Variants in NR3C2 observed in about 807,000 individuals in gnomAD.
NR3C2 encodes the protein nuclear receptor subfamily 3 group C member 2.
Under a neutral mutation model 86.4 loss-of-function variants are expected in NR3C2, and 15 were observed. The observed-to-expected ratio is 0.17, with a 90% CI of 0.12 to 0.27. The LOEUF is 0.27. Among genes scored for constraint, NR3C2 ranks in the 10% least tolerant of loss-of-function variants. The pLI is 1.00. For missense variants in NR3C2, 960 were observed against 1,195.6 expected, an observed-to-expected ratio of 0.80 and a Z score of 2.91; for synonymous variants, 458 against 450.5, an observed-to-expected ratio of 1.02 and a Z score of -0.21.
intron 2 of NR3C2, among the ~76,000 whole-genome samples, chr4:148,423,877 ATTTG>A (rs1749401886): frequency 6.6e-6 from 1 of 151,982 alleles, no homozygotes; most frequent in Admixed American, 6.6e-5. Context: ...CCTGGCTAAT[ATTTG>A]TTTGTATTTT....
At chr4:148,359,699 C>T (rs897012199) in intron 2 of NR3C2, among the ~76,000 whole-genome samples, 29 of 152,162 alleles carry the variant, frequency 1.9e-4, no homozygotes, top group African/African-American at 6.5e-4. Context: ...GTGTCCCAGA[C>T]CCCTTTGAGA....
chr4:148,284,762 G>A (rs1357732530), intron 2 of NR3C2, among the ~76,000 whole-genome samples: 4 of 152,002 alleles, frequency 2.6e-5, no homozygotes, highest in African/African-American at 9.7e-5. Flanking sequence ...GTAATTCTAC[G>A]CCACTGTCCA....
chr4:148,429,348 A>G (rs1749694155), intron 2 of NR3C2, among the ~76,000 whole-genome samples: 1 of 152,276 alleles, frequency 6.6e-6, no homozygotes, highest in South Asian at 2.1e-4. Flanking sequence ...AATGAAATTA[A>G]GTCATAGCCA....
At position 148,278,837 on chromosome 4, in the gene NR3C2, A is replaced by G. The variant is rs1050466701; in HGVS notation, c.1758-18720T>C. Among the ~76,000 whole-genome samples, 5 of 152,212 alleles carry G rather than the reference A, an allele frequency of 3.3e-5. No homozygotes were observed. In the East Asian group the frequency reaches 9.7e-4, roughly 29 times the overall value. On this transcript the variant is annotated intron_variant, in intron 2 of 8. Coordinates refer to ENST00000358102, the MANE Select transcript of NR3C2 (RefSeq NM_000901.5). ...AAGAGACAAAGTATGTATTTACTAA[A>G]ATGCAAACTACTCACCAATAACCAC...
chr4:148,116,259 C>T (rs1732269138), intron 7 of NR3C2, among the ~76,000 whole-genome samples: 1 of 152,060 alleles, frequency 6.6e-6, no homozygotes, highest in African/African-American at 2.4e-5. Context: ...CTAAAAATTA[C>T]AACAACTTGT....
chr4:148,271,318 T>A (rs895439437), intron 2 of NR3C2, among the ~76,000 whole-genome samples: 8 of 152,230 alleles, frequency 5.3e-5, no homozygotes, highest in Admixed American at 2.6e-4. Flanking sequence ...AATGCTCATT[T>A]CCTGACTTGG....
chr4:148,228,372 A>G (rs894303767), intron 3 of NR3C2, among the ~76,000 whole-genome samples: 6 of 152,160 alleles, frequency 3.9e-5, no homozygotes, highest in African/African-American at 1.4e-4. Flanking sequence ...TCTTTTATAA[A>G]GCTGCACAGT....
chr4:148,344,180 T>C (rs1043416305), intron 2 of NR3C2, among the ~76,000 whole-genome samples: 8 of 152,156 alleles, frequency 5.3e-5, no homozygotes, highest in African/African-American at 1.9e-4. Flanking sequence ...ATAACATAAA[T>C]GGCCATTTGC....
chr4:148,379,984 G>T (rs1029909995), intron 2 of NR3C2, among the ~76,000 whole-genome samples: 3 of 152,146 alleles, frequency 2.0e-5, no homozygotes, highest in African/African-American at 7.2e-5. Flanking sequence ...ATTCAAAAAG[G>T]TATAAGGGAA....
At chr4:148,248,325 A>G (rs1456446616) in intron 3 of NR3C2, among the ~76,000 whole-genome samples, 1 of 152,240 alleles carries the variant, frequency 6.6e-6, no homozygotes, top group Non-Finnish European at 1.5e-5. Flanking sequence ...TCTTAGCAAT[A>G]TCAAATTGCT....
chr4:148,107,916 T>C (rs953059030), intron 8 of NR3C2, among the ~76,000 whole-genome samples: 1 of 152,024 alleles, frequency 6.6e-6, no homozygotes, highest in Non-Finnish European at 1.5e-5. Flanking sequence ...AAAACCTAGA[T>C]GATGGGTTGA....
chr4:148,416,916 C>G (rs772131065), intron 2 of NR3C2, among the ~76,000 whole-genome samples: 1 of 152,082 alleles, frequency 6.6e-6, no homozygotes, highest in Non-Finnish European at 1.5e-5. Context: ...GCTGGGATAA[C>G]AGGTGCCTGC....
intron 2 of NR3C2, among the ~76,000 whole-genome samples, chr4:148,272,674 A>C (rs1353327345): frequency 6.6e-6 from 1 of 152,230 alleles, no homozygotes; most frequent in Non-Finnish European, 1.5e-5. Context: ...AATAACTTTC[A>C]TCTTTTGCCT....
chr4:148,130,528 C>T (rs1014633613), intron 6 of NR3C2, among the ~76,000 whole-genome samples: 1 of 152,168 alleles, frequency 6.6e-6, no homozygotes, highest in Non-Finnish European at 1.5e-5. Flanking sequence ...TAGCTCTCAT[C>T]ATTCTGAAGG....
At chr4:148,178,938 A>AAAAAAAAAAC (rs1184280768) in intron 4 of NR3C2, among the ~76,000 whole-genome samples, 1 of 151,036 alleles carries the variant, frequency 6.6e-6, no homozygotes, top group Admixed American at 6.6e-5. Flanking sequence ...CAGGTAAAAA[A>AAAAAAAAAAC]AAAAAAAAAC....
chr4:148,341,085 T>G lies in NR3C2; in HGVS notation c.1758-80968A>C, dbSNP rs185108445. Among the ~76,000 whole-genome samples the G allele has an allele frequency of 1.2e-4, 19 of 152,128 alleles. No homozygotes were observed. In the East Asian group the frequency reaches 3.7e-3, roughly 29 times the overall value. On this transcript the variant is annotated intron_variant, in intron 2 of 8. Coordinates refer to ENST00000358102, the MANE Select transcript of NR3C2 (RefSeq NM_000901.5). Reference sequence around the variant, plus strand: ...TGGAGACTCCTCAAAAAACTAAAGATAGAAATACCATATAATCCAGCAATG... The same window carrying G: ...TGGAGACTCCTCAAAAAACTAAAGAGAGAAATACCATATAATCCAGCAATG...
At chr4:148,316,822 G>C (rs1034769412) in intron 2 of NR3C2, among the ~76,000 whole-genome samples, 2 of 151,904 alleles carry the variant, frequency 1.3e-5, no homozygotes. Flanking sequence ...TGTTTTCTGA[G>C]ACAGGCTCTC....
intron 3 of NR3C2, among the ~76,000 whole-genome samples, chr4:148,234,622 G>T (rs989716488): frequency 6.6e-6 from 1 of 151,158 alleles, no homozygotes; most frequent in Admixed American, 6.6e-5. Context: ...AGCAGAGGTT[G>T]CAGTGAGCCA....
At chr4:148,095,098 C>T (rs2149712504) in intron 8 of NR3C2, among the ~76,000 whole-genome samples, 1 of 152,324 alleles carries the variant, frequency 6.6e-6, no homozygotes, top group South Asian at 2.1e-4. Flanking sequence ...GTGATGGTTG[C>T]ACAACTATGT....
Sources: allele counts gnomAD v4.1 joint callset (sites outside exome capture counted in the v4.1 genomes callset), GRCh38; gene constraint gnomAD v4.1.1; transcripts MANE v1.5; gene names NCBI Gene and HGNC (gene_info 2026-07-23, HGNC 2026-07-21).